Variants in INPP5B observed in about 807,000 individuals in gnomAD.
INPP5B encodes type II inositol 1,4,5-trisphosphate 5-phosphatase.
A neutral mutation model predicts 118.5 loss-of-function variants in INPP5B; 90 were observed. That is an observed-to-expected ratio of 0.76 (90% confidence interval 0.64 to 0.90). The LOEUF is 0.90. INPP5B is among the 40% of genes least tolerant of loss of function. The pLI is 0.00. For synonymous variants in INPP5B, 385 were observed against 418.9 expected, an observed-to-expected ratio of 0.92 and a Z score of 0.99; for missense variants, 984 against 1,125.6, an observed-to-expected ratio of 0.87 and a Z score of 1.80.
chr1:37,908,232 C>A (rs1042764832), intron 7 of INPP5B, among the ~76,000 whole-genome samples: 2 of 152,174 alleles, frequency 1.3e-5, no homozygotes, highest in Non-Finnish European at 2.9e-5. Flanking sequence ...CAGGAGGACT[C>A]CTTCAGGAGA....
chr1:37,883,005 G>A lies in INPP5B; in HGVS notation c.1320-87C>T, dbSNP rs897632950. 5 of 1,537,808 alleles carry A rather than the reference G, an allele frequency of 3.3e-6. No homozygotes were observed. In the African/African-American group the frequency reaches 7.0e-5, roughly 21 times the overall value. Reference sequence around the variant, plus strand: ...GGTGCTTCTGACAAAGGCCCCTGAGGCTCAGCCTCTTGGGAGGTGGGTGGG... The same window carrying A: ...GGTGCTTCTGACAAAGGCCCCTGAGACTCAGCCTCTTGGGAGGTGGGTGGG... On this transcript the variant is annotated intron_variant, in intron 13 of 23. Coordinates refer to ENST00000373024, the MANE Select transcript of INPP5B (RefSeq NM_005540.3).
chr1:37,883,460 G>A (rs761725494), intron 13 of INPP5B: 1 of 985,444 alleles, frequency 1.0e-6, no homozygotes, highest in African/African-American at 1.7e-5. Flanking sequence ...GTGGAGTGTA[G>A]AAGGTGTTTG....
intron 15 of INPP5B, among the ~76,000 whole-genome samples, chr1:37,878,996 G>A (rs1290660546): frequency 2.0e-5 from 3 of 148,056 alleles, no homozygotes; most frequent in East Asian, 2.2e-4. Flanking sequence ...GGTGGCTCAC[G>A]CCTGTAATCC....
chr1:37,883,445 G>A (rs1285387619), intron 13 of INPP5B: 3 of 985,294 alleles, frequency 3.0e-6, no homozygotes, highest in Non-Finnish European at 3.6e-6. Context: ...TTTCTGTACT[G>A]CAGAGTGGAG....
At chr1:37,893,552 C>T (rs1250987290) in intron 7 of INPP5B, among the ~76,000 whole-genome samples, 1 of 152,182 alleles carries the variant, frequency 6.6e-6, no homozygotes, top group African/African-American at 2.4e-5. Context: ...AGGTTACCAA[C>T]ATCTCCCCTG....
chr1:37,945,800 C>G lies in INPP5B; in HGVS notation c.108G>C (p.Leu36=). Residue 36 remains leucine, a synonymous_variant, in exon 3 of 24, where the codon CTG becomes CTC. Transcript: ENST00000373024. The part of the protein sequence containing the change: ...CEGDSRQSRL[L]GLVRYRLEHG... ...GCTCCAGGCGGTAGCGCACGAGTCCCAGGAGGCGGCTCTGCCGGCTGTCCC... is the reference window on the plus strand; with the variant it reads ...GCTCCAGGCGGTAGCGCACGAGTCCGAGGAGGCGGCTCTGCCGGCTGTCCC... 6.2e-7 allele frequency: 1 copy of G among 1,614,052 alleles called. No homozygotes were observed. The highest frequency in any genetic ancestry group is 1.1e-5 in the South Asian group (1 of 91,078).
intron 6 of INPP5B, among the ~76,000 whole-genome samples, chr1:37,937,640 G>A (rs147106810): frequency 0.01 from 1,543 of 151,884 alleles, 30 homozygotes; most frequent in African/African-American, 0.036. Context: ...GGTGGCATGC[G>A]CCTGTAGTCC....
chr1:37,936,721 C>T (rs866134811), intron 6 of INPP5B, among the ~76,000 whole-genome samples: 23 of 136,106 alleles, frequency 1.7e-4, no homozygotes, highest in African/African-American at 5.9e-4. Context: ...TGGAGCAGAA[C>T]TTTTTTTTTT....
At position 37,888,236 on chromosome 1, in the gene INPP5B, CACTCACCCTACA is replaced by C; in HGVS notation, c.894_899+6del. On this transcript the variant is annotated splice_donor_variant and splice_donor_5th_base_variant and coding_sequence_variant and intron_variant, in exon 10 of 24. Coordinates refer to ENST00000373024, the MANE Select transcript of INPP5B (RefSeq NM_005540.3). LOFTEE classifies it high-confidence loss of function. ...GATGGAGAGGGGACTAGAAGAGAAG[CACTCACCCTACA>C]CAATAGACATCTGGGGCCTGGATAC... The C allele has an allele frequency of 6.7e-7, 1 of 1,496,234 alleles. No individual in the cohort carries two copies. The highest frequency in any genetic ancestry group is 9.0e-7 in the Non-Finnish European group (1 of 1,116,254). 92.7% of individuals were successfully genotyped at this position (1,496,234 alleles called of 1,614,324 possible). A position where few individuals can be genotyped will look rare whatever the true frequency, so the allele number is the denominator to read the frequency against.
chr1:37,925,628 T>C (rs572915862), intron 7 of INPP5B, among the ~76,000 whole-genome samples: 5 of 152,202 alleles, frequency 3.3e-5, no homozygotes, highest in African/African-American at 1.2e-4. Context: ...ATAAATATAT[T>C]GATGCCTCCC....
intron 22 of INPP5B, chr1:37,864,715 G>T: frequency 4.5e-6 from 1 of 221,688 alleles, no homozygotes; most frequent in South Asian, 1.3e-4. Flanking sequence ...AATAACTGGG[G>T]TGAGAGCAAA....
At chr1:37,939,545 T>C (rs924932285) in intron 6 of INPP5B, among the ~76,000 whole-genome samples, 14 of 149,950 alleles carry the variant, frequency 9.3e-5, no homozygotes, top group Admixed American at 4.7e-4. Flanking sequence ...CCTGGGTTTA[T>C]GCCATTCTCC....
chr1:37,931,551 A>C (rs1285439077), intron 7 of INPP5B: 1 of 1,537,290 alleles, frequency 6.5e-7, no homozygotes, highest in Non-Finnish European at 8.7e-7. Context: ...GAGGGCCACC[A>C]GGACTTTGGT....
intron 7 of INPP5B, among the ~76,000 whole-genome samples, chr1:37,901,122 T>G (rs1332258601): frequency 1.3e-5 from 2 of 152,232 alleles, no homozygotes; most frequent in Non-Finnish European, 2.9e-5. Flanking sequence ...ATATTAAATC[T>G]TATATTTATT....
intron 7 of INPP5B, among the ~76,000 whole-genome samples, chr1:37,909,535 A>G (rs376237736): frequency 6.6e-5 from 10 of 151,628 alleles, no homozygotes; most frequent in African/African-American, 2.2e-4. Context: ...TCTTTATCCA[A>G]CCTCTCCCAA....
At chr1:37,890,922 C>G (rs547181525) in intron 8 of INPP5B, among the ~76,000 whole-genome samples, 2 of 152,156 alleles carry the variant, frequency 1.3e-5, no homozygotes, top group East Asian at 3.9e-4. Context: ...AAATAAATGT[C>G]AGGTATTATT....
At chr1:37,881,958 G>A (rs1056553390) in intron 14 of INPP5B, among the ~76,000 whole-genome samples, 1 of 152,008 alleles carries the variant, frequency 6.6e-6, no homozygotes, top group Non-Finnish European at 1.5e-5. Flanking sequence ...AATTAGCCGG[G>A]CATACTGGCA....
chr1:37,925,509 A>ACT (rs1645195430), intron 7 of INPP5B, among the ~76,000 whole-genome samples: 1 of 152,184 alleles, frequency 6.6e-6, no homozygotes, highest in Non-Finnish European at 1.5e-5. Context: ...AGTAGCTGGG[A>ACT]CTACAGGTGC....
At chr1:37,876,365 C>G (rs1642805325) in intron 16 of INPP5B, among the ~76,000 whole-genome samples, 1 of 151,410 alleles carries the variant, frequency 6.6e-6, no homozygotes, top group African/African-American at 2.4e-5. Flanking sequence ...CTCAGCCTCC[C>G]AAAGTGCTGG....
Sources: allele counts gnomAD v4.1 joint callset (sites outside exome capture counted in the v4.1 genomes callset), GRCh38; gene constraint gnomAD v4.1.1; transcripts MANE v1.5; gene names NCBI Gene and HGNC (gene_info 2026-07-23, HGNC 2026-07-21).